SSH2: variants seen among roughly 807,000 people sequenced by gnomAD.
SSH2 encodes the protein slingshot protein phosphatase 2.
In SSH2, 37 loss-of-function variants were observed where a neutral mutation model predicts 135.2. That is an observed-to-expected ratio of 0.27 (90% CI 0.21 to 0.36). The LOEUF (loss-of-function observed/expected upper bound fraction) is 0.36, where lower values mean the gene tolerates loss of function less well. SSH2 is among the 10% of genes least tolerant of loss of function. The pLI, the probability that SSH2 is intolerant of heterozygous loss-of-function variation, is 1.00. For missense variants in SSH2, 1,408 were observed against 1,765.3 expected (o/e 0.80, Z 3.63); for synonymous variants, 628 against 646.2 (o/e 0.97, Z 0.43).
chr17:29,837,571 C>A (rs868355196), intron 2 of SSH2, among the ~76,000 whole-genome samples: 5 of 152,186 alleles, frequency 3.3e-5, no homozygotes, highest in Middle Eastern at 6.8e-3. Context: ...CCGAGGCAGC[C>A]AACTGCACCA....
intron 3 of SSH2, among the ~76,000 whole-genome samples, chr17:29,781,851 T>C (rs187909718): frequency 6.6e-6 from 1 of 151,500 alleles, no homozygotes; most frequent in Non-Finnish European, 1.5e-5. Context: ...CTCTCTCTCT[T>C]TCTTTCTTAA....
intron 3 of SSH2, among the ~76,000 whole-genome samples, chr17:29,777,287 A>C (rs2041725615): frequency 6.6e-6 from 1 of 152,114 alleles, no homozygotes; most frequent in South Asian, 2.1e-4. Context: ...CTTATACCTT[A>C]CAGCATCTAT....
At chr17:29,747,213 A>T (rs1306142067) in intron 3 of SSH2, among the ~76,000 whole-genome samples, 1 of 152,224 alleles carries the variant, frequency 6.6e-6, no homozygotes, top group Non-Finnish European at 1.5e-5. Context: ...AGTTTAGTTC[A>T]TTACCAAAAA....
chr17:29,878,423 G>A (rs1025428240), intron 1 of SSH2, among the ~76,000 whole-genome samples: 3 of 152,132 alleles, frequency 2.0e-5, no homozygotes, highest in Admixed American at 6.5e-5. Flanking sequence ...GCAAAATTGC[G>A]TCTACTGCTA....
intron 1 of SSH2, chr17:29,925,287 C>T (rs2067044133): frequency 5.3e-6 from 2 of 375,720 alleles, no homozygotes; most frequent in Admixed American, 9.1e-5. Context: ...AAATTCACAC[C>T]AGATTGGGGA....
At chr17:29,726,793 G>C (rs186727997) in intron 3 of SSH2, among the ~76,000 whole-genome samples, 4 of 152,254 alleles carry the variant, frequency 2.6e-5, no homozygotes, top group Non-Finnish European at 5.9e-5. Context: ...GAGTCACCCA[G>C]CAGGGTCAAA....
chr17:29,835,664 G>A (rs1220389680), intron 2 of SSH2, among the ~76,000 whole-genome samples: 1 of 152,178 alleles, frequency 6.6e-6, no homozygotes, highest in East Asian at 1.9e-4. Flanking sequence ...TGCACCTAGT[G>A]CAGCTAGAGC....
chr17:29,728,318 TA>T (rs1961081298), intron 3 of SSH2, among the ~76,000 whole-genome samples: 1 of 152,098 alleles, frequency 6.6e-6, no homozygotes, highest in Admixed American at 6.5e-5. Context: ...TAGTCACACA[TA>T]AAATTAAATA....
chr17:29,684,679 T>C lies in SSH2; in HGVS notation c.363A>G (p.Val121=), dbSNP rs2038137098. ...GATTCTGGTAAGTACTTTCCAGTCT[T>C]ACAGCCTGGAATTTAGCAGACAACA... ...LRPEDNIRLA[V]RLESTYQNRT... The change falls in exon 6 of 16, where the codon GTA becomes GTG. Residue 121 remains valine (V), a synonymous_variant. Transcript: ENST00000540801. 1 of 1,608,820 alleles carries C rather than the reference T, an allele frequency of 6.2e-7. No individual in the cohort carries two copies. Among genetic ancestry groups the C allele is most frequent in the South Asian group, 1.1e-5 (1 of 89,634 alleles).
intron 3 of SSH2, among the ~76,000 whole-genome samples, chr17:29,762,860 AATAC>A (rs2041355078): frequency 6.6e-6 from 1 of 152,178 alleles, no homozygotes; most frequent in Non-Finnish European, 1.5e-5. Context: ...AGCATTTTTG[AATAC>A]TAGACTAAAA....
rs764763821 is a variant in SSH2, at chr17:29,657,574, GTTTTTT to G, written c.1033-1973_1033-1968del. 1.5e-4 allele frequency among the ~76,000 whole-genome samples: 12 copies of G among 80,070 alleles called. No individual in the cohort carries two copies. The East Asian group carries it at 4.9e-3, about 33-fold the overall frequency. The allele number at this position is 80,070 out of a possible 152,430, so 52.5% of individuals were successfully genotyped here. ...GTGAGCCACTGTGCCCGGCTACTTT[GTTTTTT>G]TTTTTTTTTTTTTTTTTTAGAGACA... is the stretch of plus-strand genomic sequence containing the variant. On this transcript the variant is annotated intron_variant, in intron 11 of 15. Coordinates refer to ENST00000540801, the MANE Select transcript of SSH2 (RefSeq NM_001282129.2).
intron 2 of SSH2, among the ~76,000 whole-genome samples, chr17:29,805,575 C>T (rs1035530956): frequency 6.6e-6 from 1 of 152,078 alleles, no homozygotes; most frequent in Non-Finnish European, 1.5e-5. Flanking sequence ...ACGTCGGTAG[C>T]CAAGGCGGAT....
intron 4 of SSH2, among the ~76,000 whole-genome samples, chr17:29,701,435 G>T: frequency 7.8e-6 from 1 of 127,970 alleles, no homozygotes; most frequent in Admixed American, 8.4e-5. Flanking sequence ...TTTGAGACAG[G>T]GTCCCACTCT....
At chr17:29,690,548 C>T (rs1240704467) in intron 5 of SSH2, among the ~76,000 whole-genome samples, 1 of 151,970 alleles carries the variant, frequency 6.6e-6, no homozygotes, top group Non-Finnish European at 1.5e-5. Flanking sequence ...CTAAGACAGG[C>T]AGTTCACCCA....
At chr17:29,833,285 T>G (rs1013146066) in intron 2 of SSH2, among the ~76,000 whole-genome samples, 2 of 152,220 alleles carry the variant, frequency 1.3e-5, no homozygotes, top group African/African-American at 4.8e-5. Flanking sequence ...GGTGCATATA[T>G]ATTTACAATT....
intron 3 of SSH2, among the ~76,000 whole-genome samples, chr17:29,706,906 C>T: frequency 6.6e-6 from 1 of 152,150 alleles, no homozygotes. Flanking sequence ...GTAATCCCAG[C>T]ACTTTGGGAG....
intron 2 of SSH2, among the ~76,000 whole-genome samples, chr17:29,818,613 A>G (rs1005801232): frequency 6.6e-6 from 1 of 152,164 alleles, no homozygotes; most frequent in African/African-American, 2.4e-5. Flanking sequence ...GGGGAGAAAA[A>G]GGAAGAAAAA....
intron 3 of SSH2, among the ~76,000 whole-genome samples, chr17:29,757,647 T>A (rs2041168013): frequency 6.6e-6 from 1 of 150,584 alleles, no homozygotes; most frequent in African/African-American, 2.4e-5. Flanking sequence ...TCCCAGCACT[T>A]TGGGAGGCCA....
intron 1 of SSH2, among the ~76,000 whole-genome samples, chr17:29,901,759 CCTTT>C (rs752128904): frequency 8.6e-5 from 13 of 151,464 alleles, no homozygotes; most frequent in Non-Finnish European, 1.3e-4. Context: ...TTCCTTCCTC[CCTTT>C]CTTTCTCCCT....
Sources: gnomAD v4.1 joint callset for allele counts (sites outside exome capture counted in the v4.1 genomes callset) on GRCh38, gnomAD v4.1.1 for gene constraint, MANE v1.5 for transcripts, NCBI Gene and HGNC (gene_info 2026-07-23, HGNC 2026-07-21) for gene names.